Variants in STXBP5L observed in about 807,000 individuals in gnomAD.
STXBP5L encodes the protein syntaxin binding protein 5L.
A neutral mutation model predicts 144.5 loss-of-function variants in STXBP5L; 65 were observed. The ratio of observed to expected loss-of-function variants is 0.45; its 90% CI spans 0.37 to 0.55. The LOEUF is 0.55. STXBP5L is among the 20% of genes least tolerant of loss of function. STXBP5L has a pLI of 0.00. For missense variants in STXBP5L, 1,298 were observed against 1,405.5 expected (o/e 0.92, Z 1.22); for synonymous variants, 505 against 469.6 (o/e 1.08, Z -0.97).
At chr3:121,105,559 C>A (rs958705073) in intron 5 of STXBP5L, among the ~76,000 whole-genome samples, 1 of 151,940 alleles carries the variant, frequency 6.6e-6, no homozygotes, top group African/African-American at 2.4e-5. Context: ...AAAGAATAGG[C>A]GTTGGCGTGG....
At chr3:120,991,610 A>T (rs1230968299) in intron 3 of STXBP5L, among the ~76,000 whole-genome samples, 1 of 152,260 alleles carries the variant, frequency 6.6e-6, no homozygotes, top group Non-Finnish European at 1.5e-5. Context: ...GACTGGATTA[A>T]GAAAATGTGG....
intron 3 of STXBP5L, among the ~76,000 whole-genome samples, chr3:121,037,058 C>G (rs1946810671): frequency 6.6e-6 from 1 of 151,930 alleles, no homozygotes; most frequent in South Asian, 2.1e-4. Context: ...TGCTGAGTAG[C>G]TGGGACTACC....
intron 5 of STXBP5L, among the ~76,000 whole-genome samples, chr3:121,093,252 G>T (rs566246909): frequency 3.4e-4 from 52 of 152,264 alleles, no homozygotes; most frequent in Admixed American, 2.9e-3. Flanking sequence ...TTTTGTCTCT[G>T]CCCGGCTTTG....
At chr3:121,084,360 C>T (rs2042389504) in intron 5 of STXBP5L, among the ~76,000 whole-genome samples, 1 of 152,148 alleles carries the variant, frequency 6.6e-6, no homozygotes, top group African/African-American at 2.4e-5. Flanking sequence ...GCTCTCCCTC[C>T]CCGCCTACCC....
chr3:121,407,091 A>G, intron 22 of STXBP5L, 152 bp from the exon 23 acceptor site: 3 of 930,102 alleles, frequency 3.2e-6, no homozygotes, highest in Non-Finnish European at 4.4e-6. Context: ...CCAACTTATT[A>G]TAACAGATGA....
intron 3 of STXBP5L, among the ~76,000 whole-genome samples, chr3:120,958,539 CA>C (rs1445436927): frequency 3.3e-5 from 5 of 152,080 alleles, no homozygotes; most frequent in African/African-American, 1.2e-4. Flanking sequence ...AGCAACATAT[CA>C]AAAAGCTTAT....
chr3:120,979,622 A>C (rs1009860275), intron 3 of STXBP5L, among the ~76,000 whole-genome samples: 1 of 152,140 alleles, frequency 6.6e-6, no homozygotes, highest in East Asian at 1.9e-4. Context: ...AAATGCAGAA[A>C]TCACCCATCT....
At chr3:120,909,292 G>A (rs1576400236) in intron 1 of STXBP5L, 1 of 320,270 alleles carries the variant, frequency 3.1e-6, no homozygotes, top group Non-Finnish European at 5.7e-6. Context: ...ATAAAGCGTA[G>A]TTACAGCTGG....
At chr3:121,269,022 G>A (rs934176851) in intron 18 of STXBP5L, among the ~76,000 whole-genome samples, 1 of 151,934 alleles carries the variant, frequency 6.6e-6, no homozygotes, top group African/African-American at 2.4e-5. Context: ...CAACCCCCAA[G>A]CTGACTGACC....
intron 9 of STXBP5L, among the ~76,000 whole-genome samples, chr3:121,181,146 G>A (rs918716823): frequency 9.1e-5 from 13 of 143,292 alleles, no homozygotes; most frequent in Non-Finnish European, 1.8e-4. Flanking sequence ...AGAGAAGAGA[G>A]GAGAAAAGAG....
At chr3:120,943,483 CTAAT>C (rs766459552) in intron 2 of STXBP5L, among the ~76,000 whole-genome samples, 29 of 148,336 alleles carry the variant, frequency 2.0e-4, no homozygotes, top group Non-Finnish European at 3.7e-4. Flanking sequence ...AAGTTAGTAA[CTAAT>C]AAGAGTATGA....
At chr3:121,313,249 G>T (rs1391493984) in intron 19 of STXBP5L, among the ~76,000 whole-genome samples, 58 of 125,548 alleles carry the variant, frequency 4.6e-4, no homozygotes, top group South Asian at 1.1e-3. Context: ...GGACGGGGCG[G>T]CTGGCCGGGC....
At chr3:120,927,847 A>G (rs891670172) in intron 2 of STXBP5L, among the ~76,000 whole-genome samples, 3 of 152,214 alleles carry the variant, frequency 2.0e-5, no homozygotes, top group Non-Finnish European at 2.9e-5. Flanking sequence ...TCTCCCTAAT[A>G]CAACAATTTC....
At chr3:121,089,374 C>T (rs892756567) in intron 5 of STXBP5L, among the ~76,000 whole-genome samples, 1 of 151,420 alleles carries the variant, frequency 6.6e-6, no homozygotes, top group Non-Finnish European at 1.5e-5. Flanking sequence ...ATATAGAATT[C>T]TAGGTTGGTA....
chr3:121,325,686 T>A (rs1577463251), intron 20 of STXBP5L, among the ~76,000 whole-genome samples: 1 of 152,042 alleles, frequency 6.6e-6, no homozygotes, highest in East Asian at 1.9e-4. Context: ...TTACAGTTCA[T>A]AAATCAACAA....
chr3:121,024,090 T>G (rs1034979907), intron 3 of STXBP5L, among the ~76,000 whole-genome samples: 1 of 151,724 alleles, frequency 6.6e-6, no homozygotes, highest in African/African-American at 2.4e-5. Context: ...AAATGAAAAA[T>G]AAAAATTGCC....
chr3:121,017,933 G>T (rs1043093562), intron 3 of STXBP5L, among the ~76,000 whole-genome samples: 1 of 152,008 alleles, frequency 6.6e-6, no homozygotes, highest in African/African-American at 2.4e-5. Flanking sequence ...CAAAAAAATA[G>T]CCATGTGTTG....
At chr3:121,100,136 T>C (rs2043340621) in intron 5 of STXBP5L, among the ~76,000 whole-genome samples, 1 of 152,176 alleles carries the variant, frequency 6.6e-6, no homozygotes, top group Admixed American at 6.6e-5. Flanking sequence ...CTTAGACAGC[T>C]ACACAATAAG....
intron 7 of STXBP5L, among the ~76,000 whole-genome samples, chr3:121,138,910 T>C (rs1404499837): frequency 6.6e-6 from 1 of 151,828 alleles, no homozygotes; most frequent in Admixed American, 6.6e-5. Flanking sequence ...AATGAGATTA[T>C]ATCACACACA....
Sources: allele counts gnomAD v4.1 joint callset (sites outside exome capture counted in the v4.1 genomes callset), GRCh38; gene constraint gnomAD v4.1.1; transcripts MANE v1.5; gene names NCBI Gene and HGNC (gene_info 2026-07-23, HGNC 2026-07-21).